PREX1: variants seen among roughly 807,000 people sequenced by gnomAD.
The protein encoded by PREX1 is phosphatidylinositol 3,4,5-trisphosphate-dependent Rac exchanger 1 protein.
Under a neutral mutation model 198.3 loss-of-function variants are expected in PREX1, and 41 were observed. That is an observed-to-expected ratio of 0.21 (90% CI 0.16 to 0.27). The LOEUF is 0.27. Among genes scored for constraint, PREX1 ranks in the 10% least tolerant of loss-of-function variants. The pLI is 1.00. For synonymous variants in PREX1, 843 were observed against 887.2 expected (o/e 0.95, Z 0.89); for missense variants, 1,620 against 2,200.7 (o/e 0.74, Z 5.28).
In PREX1 at chr20:48,827,589, CG is replaced by C; in HGVS notation, c.219+52del. On this transcript the variant is annotated intron_variant, in intron 1 of 39. Transcript: ENST00000371941. This position sits in a 1 kb window ranked among gnomAD's most constrained non-coding sequence, Gnocchi z 4.1. The stretch of plus-strand genomic sequence containing the variant: ...CGGCCACAGGTTGTGGGGACCGCAG[CG>C]GGGCGAGCGGCTGGAGGGAAAGCTG... 1 of 1,175,504 alleles carries C rather than the reference CG, an allele frequency of 8.5e-7. No individual in the cohort carries two copies. Among genetic ancestry groups the C allele is most frequent in the Non-Finnish European group, 1.1e-6 (1 of 929,358 alleles). The allele number at this position is 1,175,504 out of a possible 1,614,324, so 72.8% of individuals were successfully genotyped here.
intron 4 of PREX1, among the ~76,000 whole-genome samples, chr20:48,730,600 G>A (rs1010448659): frequency 6.6e-6 from 1 of 152,098 alleles, no homozygotes; most frequent in African/African-American, 2.4e-5. Context: ...AATGTTCTTC[G>A]ATCTTGGTGG....
At chr20:48,773,074 C>T (rs2090244118) in intron 1 of PREX1, among the ~76,000 whole-genome samples, 1 of 152,112 alleles carries the variant, frequency 6.6e-6, no homozygotes, top group Non-Finnish European at 1.5e-5. Context: ...CAAGACCAGC[C>T]TCGCCAACAT....
rs1398423382 is a variant in PREX1 at position 48,659,991 on chromosome 20, C to G, written c.1809G>C (p.Gly603=). 1 of 1,614,228 alleles carries G rather than the reference C, an allele frequency of 6.2e-7. No individual in the cohort carries two copies. The highest frequency in any genetic ancestry group is 8.5e-7 in the Non-Finnish European group (1 of 1,180,048). The part of the protein sequence containing the change: ...FRFHADEEME[G]TSSKNKQLRN... ...GAAGCTGTTTGTTCTTGCTGCTGGT[C>G]CCCTCCATCTCCTCGTCAGCATGAA... The change falls in exon 16 of 40, where the codon GGG becomes GGC. Residue 603 remains glycine (G), a synonymous_variant. Transcript: ENST00000371941.
chr20:48,655,281 C>G lies in PREX1; in HGVS notation c.2209+9G>C, dbSNP rs1292904116. 6.4e-7 allele frequency: 1 copy of G among 1,551,868 alleles called. No individual in the cohort carries two copies. Among genetic ancestry groups the G allele is most frequent in the African/African-American group, 1.4e-5 (1 of 73,470 alleles). On this transcript the variant is annotated intron_variant, in intron 19 of 39. Transcript: ENST00000371941. ...CACCTTTCCCCTCTCTCCCAAGGCT[C>G]CCACTCACCTCTCCCCACAGCATAG... is the stretch of plus-strand genomic sequence containing the variant.
rs200938863 is a variant in PREX1, at chr20:48,644,419, C to T, written c.3591G>A (p.Glu1197=). ...RSNSSYLGSD[E]MGSGDELPCD... is the part of the protein sequence containing the mutation. ...TGCCACTCCACTCACCAGACCCCATCTCGTCGCTGCCCAAGTAGGAGCTGT... is the reference window on the plus strand; with the variant it reads ...TGCCACTCCACTCACCAGACCCCATTTCGTCGCTGCCCAAGTAGGAGCTGT... The change falls in exon 27 of 40, where the codon GAG becomes GAA. Residue 1197 remains glutamate, a synonymous_variant. Coordinates refer to ENST00000371941, the MANE Select transcript of PREX1 (RefSeq NM_020820.4). 59 of 1,613,692 alleles carry T rather than the reference C, an allele frequency of 3.7e-5. 1 individual carries two copies. The highest frequency in any genetic ancestry group is 1.7e-4 in the Middle Eastern group (1 of 6,060).
intron 1 of PREX1, among the ~76,000 whole-genome samples, chr20:48,779,431 C>T (rs1601131393): frequency 6.6e-6 from 1 of 152,198 alleles, no homozygotes; most frequent in African/African-American, 2.4e-5. Context: ...AAACTTCCCA[C>T]AAAGTTTTTT....
intron 4 of PREX1, 30 bp downstream of exon 4, chr20:48,734,516 G>T (rs1208967498): frequency 3.2e-6 from 5 of 1,586,762 alleles, no homozygotes; most frequent in Non-Finnish European, 4.3e-6. Context: ...CCGAGTGCAA[G>T]GGAGCACCAG....
intron 11 of PREX1, among the ~76,000 whole-genome samples, chr20:48,680,041 C>G (rs2089739057): frequency 6.6e-6 from 1 of 152,146 alleles, no homozygotes; most frequent in African/African-American, 2.4e-5. Context: ...GGTGAGGGAC[C>G]CAGAAATGCC....
intron 16 of PREX1, among the ~76,000 whole-genome samples, chr20:48,658,748 C>G (rs1043675311): frequency 6.6e-6 from 1 of 152,086 alleles, no homozygotes; most frequent in Non-Finnish European, 1.5e-5. Context: ...AGGGAGTGTA[C>G]GTAGTTGGAA....
In PREX1 at chr20:48,651,462, T is replaced by C. The variant is rs1165953800; in HGVS notation, c.2589A>G (p.Ala863=). 12 of 1,613,974 alleles carry C rather than the reference T, an allele frequency of 7.4e-6. No individual in the cohort carries two copies. The highest frequency in any genetic ancestry group is 1.0e-5 in the Non-Finnish European group (12 of 1,180,000). ...TCTCCAGCACATGGCACCTGACGCC[T>C]GCCGTGCTCACATACTCATACACCA... The part of the protein sequence containing the change: ...HGVVYEYVST[A]GVRCHVLEKI... Residue 863 remains alanine, a synonymous_variant, in exon 22 of 40, where the codon GCA becomes GCG. Coordinates refer to ENST00000371941, the MANE Select transcript of PREX1 (RefSeq NM_020820.4).
intron 1 of PREX1, among the ~76,000 whole-genome samples, chr20:48,819,043 G>A (rs909631803): frequency 2.0e-5 from 3 of 152,228 alleles, no homozygotes; most frequent in Non-Finnish European, 4.4e-5. Context: ...GGAGCAGGCA[G>A]GGGATCTGCT....
chr20:48,740,118 G>C (rs772777969), intron 3 of PREX1, among the ~76,000 whole-genome samples: 1 of 152,166 alleles, frequency 6.6e-6, no homozygotes, highest in Non-Finnish European at 1.5e-5. Context: ...GAGCCTGTCT[G>C]CAAGAGCTCT....
intron 28 of PREX1, 52 bp downstream of exon 28, chr20:48,642,355 G>T (rs1236082130): frequency 4.4e-6 from 7 of 1,603,780 alleles, no homozygotes; most frequent in Non-Finnish European, 6.0e-6. Flanking sequence ...GCCCTCCCCA[G>T]GTGTGACAGG....
chr20:48,667,893 A>T (rs2089650141), intron 14 of PREX1, among the ~76,000 whole-genome samples: 1 of 152,068 alleles, frequency 6.6e-6, no homozygotes, highest in Non-Finnish European at 1.5e-5. Context: ...TGAGTGGAGG[A>T]CCCCAAGGAC....
At chr20:48,632,744 A>G in intron 33 of PREX1, 105 bp from the exon 34 acceptor site, 3 of 1,305,944 alleles carry the variant, frequency 2.3e-6, no homozygotes, top group South Asian at 1.3e-5. Flanking sequence ...CCCCAGGTCC[A>G]GGGGGGCACC....
chr20:48,839,236 G>A, the PREX1 span, among the ~76,000 whole-genome samples: 124 of 152,142 alleles, frequency 8.2e-4, 3 homozygotes, highest in African/African-American at 2.9e-3. Flanking sequence ...CCATTTGACC[G>A]TCAACTGCAT....
At chr20:48,843,805 G>A in the PREX1 span, among the ~76,000 whole-genome samples, 3 of 152,196 alleles carry the variant, frequency 2.0e-5, no homozygotes, top group Middle Eastern at 3.4e-3. Context: ...TAATTTCACT[G>A]AAACTGCCTT....
chr20:48,640,919 T>C (rs2089405250), intron 29 of PREX1, among the ~76,000 whole-genome samples: 1 of 147,418 alleles, frequency 6.8e-6, no homozygotes, highest in Non-Finnish European at 1.5e-5. Flanking sequence ...AGATGGTAAG[T>C]GGGTAGTTGG....
chr20:48,633,974 G>T (rs964298859), intron 33 of PREX1, among the ~76,000 whole-genome samples: 1 of 152,082 alleles, frequency 6.6e-6, no homozygotes, highest in African/African-American at 2.4e-5. Context: ...ATGGATGGAC[G>T]GATGGATGAT....
Sources: gnomAD v4.1 joint callset for allele counts (sites outside exome capture counted in the v4.1 genomes callset) on GRCh38, gnomAD v4.1.1 for gene constraint, Gnocchi (gnomAD v3.1) non-coding constraint, MANE v1.5 for transcripts, NCBI Gene and HGNC (gene_info 2026-07-23, HGNC 2026-07-21) for gene names.